Variants in CNTN5 observed in about 807,000 individuals in gnomAD.
CNTN5 encodes the protein contactin-5.
A neutral mutation model predicts 129.1 loss-of-function variants in CNTN5; 77 were observed. The observed-to-expected ratio is 0.60, with a 90% confidence interval of 0.50 to 0.72. The LOEUF (loss-of-function observed/expected upper bound fraction) is 0.72, where lower values mean the gene tolerates loss of function less well. CNTN5 is among the 30% of genes least tolerant of loss of function. CNTN5 has a pLI of 0.00. For missense variants in CNTN5, 1,478 were observed against 1,328.8 expected (o/e 1.11, Z -1.75); for synonymous variants, 509 against 465.6 (o/e 1.09, Z -1.20).
intron 1 of CNTN5, among the ~76,000 whole-genome samples, chr11:99,256,012 T>C (rs1712623350): frequency 1.3e-5 from 2 of 152,102 alleles, no homozygotes; most frequent in Non-Finnish European, 2.9e-5. Context: ...AAATGATCAG[T>C]AGGCTAGAAA....
At chr11:99,945,980 T>G (rs1307976878) in intron 7 of CNTN5, among the ~76,000 whole-genome samples, 1 of 152,140 alleles carries the variant, frequency 6.6e-6, no homozygotes, top group African/African-American at 2.4e-5. Context: ...ATCTATTTTC[T>G]TACCCTGTTC....
At chr11:99,679,129 A>G (rs1953437842) in intron 3 of CNTN5, among the ~76,000 whole-genome samples, 1 of 147,840 alleles carries the variant, frequency 6.8e-6, no homozygotes, top group African/African-American at 2.4e-5. Flanking sequence ...GTATATACTT[A>G]TAGGAAATAT....
At chr11:99,523,369 C>T (rs971288331) in intron 2 of CNTN5, among the ~76,000 whole-genome samples, 10 of 152,014 alleles carry the variant, frequency 6.6e-5, no homozygotes, top group Non-Finnish European at 1.3e-4. Context: ...CTGAGAGGGG[C>T]GGATCCCTTG....
At chr11:99,194,169 C>T (rs1446256709) in intron 1 of CNTN5, among the ~76,000 whole-genome samples, 1 of 151,754 alleles carries the variant, frequency 6.6e-6, no homozygotes, top group African/African-American at 2.4e-5. Context: ...AGGAAATCCT[C>T]CAAAGCATAG....
At chr11:100,196,510 A>C (rs976033925) in intron 15 of CNTN5, among the ~76,000 whole-genome samples, 5 of 151,980 alleles carry the variant, frequency 3.3e-5, no homozygotes, top group African/African-American at 1.2e-4. Flanking sequence ...ATCTATATAC[A>C]ATGCACATTT....
At chr11:100,351,907 A>AT (rs369952668) in intron 24 of CNTN5, among the ~76,000 whole-genome samples, 85 of 146,414 alleles carry the variant, frequency 5.8e-4, no homozygotes, top group South Asian at 1.3e-3. Context: ...ATTGCTTGTG[A>AT]TTTTTTTTTT....
chr11:99,517,187 T>C (rs1248474028), intron 2 of CNTN5, among the ~76,000 whole-genome samples: 2 of 152,032 alleles, frequency 1.3e-5, no homozygotes, highest in African/African-American at 4.8e-5. Flanking sequence ...ATATGAGAAG[T>C]CTTCTCTTTC....
intron 1 of CNTN5, among the ~76,000 whole-genome samples, chr11:99,277,369 C>T (rs1863490377): frequency 6.6e-6 from 1 of 151,576 alleles, no homozygotes; most frequent in Non-Finnish European, 1.5e-5. Flanking sequence ...TTTATATAGT[C>T]ATTTCCTAGA....
chr11:100,033,024 G>A (rs1478055704), intron 9 of CNTN5, among the ~76,000 whole-genome samples: 6 of 152,134 alleles, frequency 3.9e-5, no homozygotes, highest in African/African-American at 1.4e-4. Flanking sequence ...ATGAAAACAA[G>A]TTGAAAATTA....
chr11:99,901,254 G>A (rs1300759459), intron 6 of CNTN5, among the ~76,000 whole-genome samples: 5 of 151,972 alleles, frequency 3.3e-5, no homozygotes, highest in African/African-American at 1.2e-4. Context: ...ACTATAAACT[G>A]GTAAGATTTT....
At chr11:100,086,365 T>G (rs184520500) in intron 13 of CNTN5, among the ~76,000 whole-genome samples, 12 of 150,772 alleles carry the variant, frequency 8.0e-5, no homozygotes, top group Non-Finnish European at 1.5e-4. Flanking sequence ...AGAAGGAAAC[T>G]TCTGGTATCA....
intron 2 of CNTN5, among the ~76,000 whole-genome samples, chr11:99,426,344 A>G (rs1943119568): frequency 6.6e-6 from 1 of 152,206 alleles, no homozygotes; most frequent in East Asian, 1.9e-4. Flanking sequence ...TGGTAATACA[A>G]ATATTTCCAA....
At chr11:99,258,113 G>A (rs12275128) in intron 1 of CNTN5, among the ~76,000 whole-genome samples, 4,319 of 152,058 alleles carry the variant, frequency 0.028, 189 homozygotes, top group African/African-American at 0.096. Context: ...CAAATGTCCC[G>A]TGTTTATGAG....
intron 9 of CNTN5, among the ~76,000 whole-genome samples, chr11:100,044,265 T>C (rs7120625): frequency 0.23 from 34,246 of 151,882 alleles, 3,964 homozygotes; most frequent in Middle Eastern, 0.31. Context: ...ATCTTTGTTA[T>C]TGTCAACAGT....
rs1947362826 is a variant in CNTN5 at position 99,523,649 on chromosome 11, TAGAACAGAACAGATCAGAA to T, written c.-70-32495_-70-32477del. Among the ~76,000 whole-genome samples, 3 of 116,554 alleles carry T rather than the reference TAGAACAGAACAGATCAGAA, an allele frequency of 2.6e-5. No individual in the cohort carries two copies. The South Asian group carries it at 8.4e-4, about 33-fold the overall frequency. The allele number at this position is 116,554 out of a possible 152,430, so 76.5% of individuals were successfully genotyped here. A position where few individuals can be genotyped will look rare whatever the true frequency, so the allele number is the denominator to read the frequency against. ...TAGAATAGAATAGAATAGAATAGAA[TAGAACAGAACAGATCAGAA>T]CAGAACAGAACAGAACAGAACAGAA... On this transcript the variant is annotated intron_variant, in intron 2 of 24. Coordinates refer to ENST00000524871, the MANE Select transcript of CNTN5 (RefSeq NM_014361.4).
chr11:100,285,046 A>C (rs1950740251), intron 18 of CNTN5, among the ~76,000 whole-genome samples: 1 of 152,156 alleles, frequency 6.6e-6, no homozygotes, highest in Admixed American at 6.5e-5. Context: ...CCATTCTATT[A>C]AATAAGATTT....
chr11:99,058,630 C>G (rs775703514), intron 1 of CNTN5, among the ~76,000 whole-genome samples: 1 of 151,904 alleles, frequency 6.6e-6, no homozygotes. Context: ...TCAGCTCCTC[C>G]TGGAGCTGTC....
At chr11:99,358,797 A>G (rs117029290) in intron 2 of CNTN5, among the ~76,000 whole-genome samples, 3,716 of 152,274 alleles carry the variant, frequency 0.024, 62 homozygotes, top group Non-Finnish European at 0.04. Flanking sequence ...TTACCTGTCA[A>G]CATTGATTAT....
chr11:100,317,979 A>C (rs1380232149), intron 21 of CNTN5, among the ~76,000 whole-genome samples: 1 of 152,078 alleles, frequency 6.6e-6, no homozygotes, highest in Non-Finnish European at 1.5e-5. Context: ...CGATGGCTGA[A>C]GCCTGTAATC....
Sources: gnomAD v4.1 joint callset for allele counts (sites outside exome capture counted in the v4.1 genomes callset) on GRCh38, gnomAD v4.1.1 for gene constraint, MANE v1.5 for transcripts, NCBI Gene and HGNC (gene_info 2026-07-23, HGNC 2026-07-21) for gene names.